DOCK3: variants seen among roughly 807,000 people sequenced by gnomAD.
The protein encoded by DOCK3 is dedicator of cytokinesis 3.
A neutral mutation model predicts 265.6 loss-of-function variants in DOCK3; 60 were observed. That is an observed-to-expected ratio of 0.23 (90% confidence interval 0.18 to 0.28). The LOEUF is 0.28. Among genes scored for constraint, DOCK3 ranks in the 10% least tolerant of loss-of-function variants. DOCK3 has a pLI of 1.00. For missense variants in DOCK3, 1,981 were observed against 2,594.3 expected (o/e 0.76, Z 5.14); for synonymous variants, 881 against 938.0 (o/e 0.94, Z 1.11).
At chr3:50,978,443 C>T (rs541853471) in intron 5 of DOCK3, among the ~76,000 whole-genome samples, 1 of 152,278 alleles carries the variant, frequency 6.6e-6, no homozygotes, top group South Asian at 2.1e-4. Context: ...GGGTGCCTCC[C>T]AGTTAGGCTG....
chr3:50,802,712 T>C (rs544964059), intron 2 of DOCK3, among the ~76,000 whole-genome samples: 47 of 152,312 alleles, frequency 3.1e-4, no homozygotes, highest in African/African-American at 1.1e-3. Flanking sequence ...ATTATTTCTT[T>C]GTCTTTGACT....
chr3:50,705,004 C>G (rs1468700755), intron 1 of DOCK3, among the ~76,000 whole-genome samples: 1 of 149,532 alleles, frequency 6.7e-6, no homozygotes, highest in Non-Finnish European at 1.5e-5. Flanking sequence ...TTATTCCTCT[C>G]CATTTGCTAC....
chr3:51,047,070 T>C (rs541170419), intron 5 of DOCK3, among the ~76,000 whole-genome samples: 1 of 152,080 alleles, frequency 6.6e-6, no homozygotes, highest in East Asian at 1.9e-4. Flanking sequence ...TAGTGATAAA[T>C]ATCTACACTT....
intron 5 of DOCK3, among the ~76,000 whole-genome samples, chr3:50,975,785 G>A (rs1430170066): frequency 6.6e-6 from 1 of 151,820 alleles, no homozygotes; most frequent in Non-Finnish European, 1.5e-5. Context: ...ACTCTTTTTG[G>A]TTGGTAAGCT....
intron 1 of DOCK3, among the ~76,000 whole-genome samples, chr3:50,745,614 G>T (rs1264943280): frequency 6.6e-6 from 1 of 152,122 alleles, no homozygotes; most frequent in Non-Finnish European, 1.5e-5. Context: ...CGAACAAAAC[G>T]CATAACACTG....
intron 35 of DOCK3, among the ~76,000 whole-genome samples, chr3:51,334,574 G>A (rs186047998): frequency 1.6e-4 from 24 of 152,326 alleles, no homozygotes; most frequent in Admixed American, 1.4e-3. Flanking sequence ...AGCTATGCTT[G>A]TGTGAACTTT....
At chr3:50,757,570 G>T (rs995974008) in intron 1 of DOCK3, among the ~76,000 whole-genome samples, 6 of 150,980 alleles carry the variant, frequency 4.0e-5, no homozygotes, top group Non-Finnish European at 4.4e-5. Context: ...TCTCCATTTT[G>T]TAGGTTGTCT....
Position 51,312,861 on chromosome 3 carries a change from T to C in DOCK3, c.3212T>C (p.Val1071Ala). The C allele has an allele frequency of 6.2e-7, 1 of 1,611,078 alleles. No homozygotes were observed. Among genetic ancestry groups the C allele is most frequent in the Non-Finnish European group, 8.5e-7 (1 of 1,178,686 alleles). ...KILDKYGDMR[V>A]MMAYELFSMW... ...ATTCTTAGGTATGGGGACATGCGTGTAATGATGGCCTATGAACTGTTCAGC... is the reference window on the plus strand; with the variant it reads ...ATTCTTAGGTATGGGGACATGCGTGCAATGATGGCCTATGAACTGTTCAGC... The change falls in exon 31 of 53, where the codon GTA becomes GCA. Residue 1071 changes from valine to alanine, a missense_variant. Physicochemically the swap from Val to Ala is moderately conservative, Grantham distance 64 (BLOSUM62 0). Transcript: ENST00000266037.
intron 12 of DOCK3, among the ~76,000 whole-genome samples, chr3:51,202,265 T>C (rs1421775785): frequency 1.4e-4 from 21 of 149,810 alleles, no homozygotes; most frequent in African/African-American, 4.5e-4. Flanking sequence ...ATTGATAGAC[T>C]GCTAGCAAGA....
intron 7 of DOCK3, among the ~76,000 whole-genome samples, chr3:51,088,268 C>T (rs959071356): frequency 2.6e-5 from 4 of 152,086 alleles, no homozygotes; most frequent in Non-Finnish European, 2.9e-5. Flanking sequence ...GGTTGAGAAT[C>T]GTGGGGTGGT....
intron 5 of DOCK3, 78 bp downstream of exon 5, chr3:50,934,155 G>C: frequency 1.0e-6 from 1 of 980,618 alleles, no homozygotes; most frequent in South Asian, 2.0e-5. Flanking sequence ...TGCTAAGTAT[G>C]CATTTTAGAT....
At chr3:51,235,643 T>C (rs976279618) in intron 19 of DOCK3, among the ~76,000 whole-genome samples, 1 of 152,236 alleles carries the variant, frequency 6.6e-6, no homozygotes, top group African/African-American at 2.4e-5. Context: ...AAATGAATTG[T>C]AAACATTGTA....
intron 14 of DOCK3, among the ~76,000 whole-genome samples, chr3:51,215,847 A>T (rs2089755073): frequency 6.6e-6 from 1 of 152,170 alleles, no homozygotes; most frequent in Non-Finnish European, 1.5e-5. Context: ...GGGAGACTTC[A>T]TGCTTATGAA....
chr3:50,839,813 G>A (rs1009429970), intron 2 of DOCK3, among the ~76,000 whole-genome samples: 3 of 142,560 alleles, frequency 2.1e-5, no homozygotes, highest in Non-Finnish European at 4.6e-5. Flanking sequence ...CTGTTGCCCA[G>A]GCTGGAGTGC....
chr3:51,309,801 A>G (rs1182850178), intron 27 of DOCK3, among the ~76,000 whole-genome samples: 1 of 152,236 alleles, frequency 6.6e-6, no homozygotes, highest in Non-Finnish European at 1.5e-5. Flanking sequence ...TTACTCTGCC[A>G]TTCCTAAAGT....
At chr3:50,903,866 T>G (rs1187500208) in intron 4 of DOCK3, among the ~76,000 whole-genome samples, 1 of 152,102 alleles carries the variant, frequency 6.6e-6, no homozygotes, top group African/African-American at 2.4e-5. Flanking sequence ...CTGCACCCAT[T>G]AACTTGTCAT....
chr3:51,222,357 T>C (rs546706410), intron 14 of DOCK3, among the ~76,000 whole-genome samples: 1 of 152,274 alleles, frequency 6.6e-6, no homozygotes, highest in East Asian at 1.9e-4. Flanking sequence ...GGGGGAACCA[T>C]GGAAGGCTAT....
intron 1 of DOCK3, among the ~76,000 whole-genome samples, chr3:50,727,436 G>A (rs1167112087): frequency 6.6e-6 from 1 of 152,130 alleles, no homozygotes; most frequent in Non-Finnish European, 1.5e-5. Context: ...GGTGGCTCAC[G>A]CCTGTAATTC....
intron 27 of DOCK3, among the ~76,000 whole-genome samples, chr3:51,298,631 C>G (rs2082225008): frequency 6.6e-6 from 1 of 152,098 alleles, no homozygotes; most frequent in Non-Finnish European, 1.5e-5. Context: ...TCTCATTGTT[C>G]AGCACCCACT....
Sources: gnomAD v4.1 joint callset for allele counts (sites outside exome capture counted in the v4.1 genomes callset) on GRCh38, gnomAD v4.1.1 for gene constraint, MANE v1.5 for transcripts, NCBI Gene and HGNC (gene_info 2026-07-23, HGNC 2026-07-21) for gene names.